AGRN: variants seen among roughly 807,000 people sequenced by gnomAD.
The protein encoded by AGRN is agrin, also known as agrin proteoglycan.
Under a neutral mutation model 211.0 loss-of-function variants are expected in AGRN, and 106 were observed. The ratio of observed to expected loss-of-function variants is 0.50; its 90% CI spans 0.43 to 0.59. The LOEUF (loss-of-function observed/expected upper bound fraction) is 0.59, where lower values mean the gene tolerates loss of function less well. Among genes scored for constraint, AGRN ranks in the 20% least tolerant of loss-of-function variants. The pLI, the probability that AGRN is intolerant of heterozygous loss-of-function variation, is 0.00. For synonymous variants in AGRN, 1,525 were observed against 1,332.5 expected (o/e 1.14, Z -3.15); for missense variants, 3,040 against 2,982.6 (o/e 1.02, Z -0.45).
chr1:1,050,005 C>T lies in AGRN; in HGVS notation c.4847C>T (p.Pro1616Leu), dbSNP rs764238368. 35 of 1,610,420 alleles carry T rather than the reference C, an allele frequency of 2.2e-5. No homozygotes were observed. Among genetic ancestry groups the T allele is most frequent in the Non-Finnish European group, 2.8e-5 (33 of 1,179,276 alleles). ...LPEGGAQCEC[P>L]LGREGTFCQT... ...GAGGGTGGTGCTCAGTGCGAGTGCCCCCTGGGGCGTGAGGGCACCTTCTGC... is the reference window on the plus strand; with the variant it reads ...GAGGGTGGTGCTCAGTGCGAGTGCCTCCTGGGGCGTGAGGGCACCTTCTGC... Residue 1616 changes from proline (P) to leucine (L), a missense_variant, in exon 27 of 36, where the codon CCC becomes CTC. This residue lies in a region of AGRN where 1,537 missense variants were observed against 1,505.0 expected (regional missense o/e 1.02). Transcript: ENST00000379370.
rs1417668906 is a variant in AGRN, at chr1:1,041,624, G to A, written c.1099G>A (p.Asp367Asn). The part of the protein sequence containing the change: ...CGDDGVTYEN[D>N]CVMGRSGAAR... Reference sequence around the variant, plus strand: ...GGACGACGGAGTCACCTACGAAAACGACTGTGTCATGGGCCGATCGGGGGC... The same window carrying A: ...GGACGACGGAGTCACCTACGAAAACAACTGTGTCATGGGCCGATCGGGGGC... Residue 367 changes from aspartate (D) to asparagine (N), a missense_variant, in exon 6 of 36, where the codon GAC becomes AAC. Asp to Asn is a conservative substitution (Grantham distance 23, BLOSUM62 1). Coordinates refer to ENST00000379370, the MANE Select transcript of AGRN (RefSeq NM_198576.4). 6.2e-7 allele frequency: 1 copy of A among 1,611,400 alleles called. No individual in the cohort carries two copies. The highest frequency in any genetic ancestry group is 1.1e-5 in the South Asian group (1 of 90,996).
Position 1,050,604 on chromosome 1 carries a change from G to T in AGRN, c.5141+13G>T. The T allele has an allele frequency of 6.2e-7, 1 of 1,606,934 alleles. No homozygotes were observed. Among genetic ancestry groups the T allele is most frequent in the Non-Finnish European group, 8.5e-7 (1 of 1,176,972 alleles). Reference sequence around the variant, plus strand: ...CAGCGGTCATCAGGTGGGCCGGCAAGGGTGGCTCTGGGAGGCCTGGGGCAC... The same window carrying T: ...CAGCGGTCATCAGGTGGGCCGGCAATGGTGGCTCTGGGAGGCCTGGGGCAC... On this transcript the variant is annotated intron_variant, in intron 29 of 35. Coordinates refer to ENST00000379370, the MANE Select transcript of AGRN (RefSeq NM_198576.4).
intron 2 of AGRN, among the ~76,000 whole-genome samples, chr1:1,028,324 C>CAA (rs1644566082): frequency 2.0e-5 from 2 of 99,528 alleles, no homozygotes; most frequent in African/African-American, 8.5e-5. Context: ...GGAAACGCCC[C>CAA]CCCCCCCCCC....
chr1:1,039,935 C>G (rs1399919540), intron 3 of AGRN, among the ~76,000 whole-genome samples: 2 of 152,130 alleles, frequency 1.3e-5, no homozygotes, highest in Non-Finnish European at 2.9e-5. Flanking sequence ...ATAGTAGAGG[C>G]GGAGGCCAGG....
chr1:1,052,207 G>A lies in AGRN; in HGVS notation c.5651+392G>A, dbSNP rs1009487715. ...AGTCGCCCCTCCCAGGGCACAGGCC[G>A]AGGGTCGCCCCACAGCCAACCCCCA... is the stretch of plus-strand genomic sequence containing the variant. On this transcript the variant is annotated intron_variant, in intron 33 of 35. Coordinates refer to ENST00000379370, the MANE Select transcript of AGRN (RefSeq NM_198576.4). The A allele has an allele frequency of 3.0e-5, 18 of 591,490 alleles. No individual in the cohort carries two copies. In the Admixed American group the frequency reaches 4.1e-4, roughly 14 times the overall value. 36.6% of individuals were successfully genotyped at this position (591,490 alleles called of 1,614,324 possible). A position where few individuals can be genotyped will look rare whatever the true frequency, so the allele number is the denominator to read the frequency against.
chr1:1,050,079 T>C (rs1408685927), intron 27 of AGRN, 42 bp downstream of exon 27: 1 of 1,467,174 alleles, frequency 6.8e-7, no homozygotes, highest in South Asian at 1.2e-5. Flanking sequence ...GGGGGGGGGG[T>C]TGAACGTTTG....
rs745382992 is a variant in AGRN, at chr1:1,045,386, C to T, written c.2399C>T (p.Ser800Phe). ...PSACQCNPHG[S>F]YGGTCDPATG... The stretch of plus-strand genomic sequence containing the variant: ...GCCTGCCAGTGCAACCCCCATGGCT[C>T]TTACGGCGGCACCTGTGACCCAGCC... The change falls in exon 14 of 36, where the codon TCT becomes TTT. Residue 800 changes from serine (S) to phenylalanine (F), a missense_variant. Ser to Phe is a radical substitution (Grantham distance 155). Transcript: ENST00000379370. The T allele has an allele frequency of 6.2e-7, 1 of 1,611,038 alleles. No homozygotes were observed.
At chr1:1,026,046 G>A (rs917431147) in intron 2 of AGRN, among the ~76,000 whole-genome samples, 3 of 152,120 alleles carry the variant, frequency 2.0e-5, no homozygotes, top group Admixed American at 2.0e-4. Flanking sequence ...TAGGGGAATC[G>A]GGTTGGTCAG....
chr1:1,024,723 A>G (rs1199433287), intron 2 of AGRN, among the ~76,000 whole-genome samples: 1 of 151,930 alleles, frequency 6.6e-6, no homozygotes, highest in East Asian at 1.9e-4. Flanking sequence ...GCCCTGCCAG[A>G]TCTTCCTGGC....
intron 35 of AGRN, 37 bp downstream of exon 35, chr1:1,054,588 G>C (rs761279936): frequency 1.0e-5 from 16 of 1,554,944 alleles, no homozygotes; most frequent in African/African-American, 1.4e-5. Flanking sequence ...GGATGCCCAA[G>C]GGTCTCATGA....
chr1:1,047,850 G>C lies in AGRN; in HGVS notation c.3706G>C (p.Gly1236Arg). ...QIQVSRRRSL[G>R]VRRPLQEHVR... Reference sequence around the variant, plus strand: ...CCAGGTGTCCAGGCGCCGGTCCTTGGGGGTGAGGCGGCCGCTGCAGGAGCA... The same window carrying C: ...CCAGGTGTCCAGGCGCCGGTCCTTGCGGGTGAGGCGGCCGCTGCAGGAGCA... Residue 1236 changes from glycine to arginine, a missense_variant, in exon 22 of 36, where the codon GGG becomes CGG. By Grantham distance (125) the Gly-to-Arg change is moderately radical. Around this residue, in one of 3 missense-constraint regions of AGRN, gnomAD observed 1,537 missense variants for 1,505.0 expected, o/e 1.02. Transcript: ENST00000379370. 2 of 1,605,958 alleles carry C rather than the reference G, an allele frequency of 1.2e-6. No individual in the cohort carries two copies. The highest frequency in any genetic ancestry group is 1.7e-6 in the Non-Finnish European group (2 of 1,177,082).
At chr1:1,042,244 C>G in intron 7 of AGRN, 82 bp downstream of exon 7, 1 of 1,457,158 alleles carries the variant, frequency 6.9e-7, no homozygotes, top group East Asian at 2.4e-5. Context: ...CCATCTTCAT[C>G]CATCATGTTC....
Position 1,043,303 on chromosome 1 carries a change from C to A in AGRN, c.1449C>A (p.Asn483Lys). 1 of 1,611,596 alleles carries A rather than the reference C, an allele frequency of 6.2e-7. No homozygotes were observed. Among genetic ancestry groups the A allele is most frequent in the Admixed American group, 1.7e-5 (1 of 59,740 alleles). ...TTGGGGCGACGTGTGCTGTGAAGAA[C>A]GGGCAGGCAGCGTGTGAATGCCTGC... The part of the protein sequence containing the change: ...CAFGATCAVK[N>K]GQAACECLQA... Residue 483 changes from asparagine to lysine, a missense_variant, in exon 8 of 36, where the codon AAC becomes AAA. This residue lies in a region of AGRN where 1,498 missense variants were observed against 1,457.8 expected (regional missense o/e 1.03). Coordinates refer to ENST00000379370, the MANE Select transcript of AGRN (RefSeq NM_198576.4).
chr1:1,034,860 C>A, intron 2 of AGRN: 1 of 397,032 alleles, frequency 2.5e-6, no homozygotes, highest in East Asian at 7.7e-5. Context: ...TGGAGGCCGT[C>A]CTTGGGCTCT....
chr1:1,049,249 T>A lies in AGRN; in HGVS notation c.4312T>A (p.Ser1438Thr). 6.3e-7 allele frequency: 1 copy of A among 1,585,568 alleles called. No individual in the cohort carries two copies. The highest frequency in any genetic ancestry group is 1.3e-5 in the African/African-American group (1 of 74,166). Residue 1438 changes from serine to threonine, a missense_variant, in exon 25 of 36, where the codon TCG becomes ACG. Transcript: ENST00000379370. ...GRVQLRFDTG[S>T]GPAVLTSAVP... The stretch of plus-strand genomic sequence containing the variant: ...TCCTGCCCTCAGGTTTGACACAGGT[T>A]CGGGGCCGGCGGTGCTGACCAGTGC...
intron 2 of AGRN, among the ~76,000 whole-genome samples, chr1:1,024,004 G>A (rs1644465949): frequency 6.6e-6 from 1 of 152,158 alleles, no homozygotes; most frequent in African/African-American, 2.4e-5. Context: ...CCTGGGGTGG[G>A]GCTGGCCAGG....
chr1:1,029,044 C>T (rs1230603795), intron 2 of AGRN, among the ~76,000 whole-genome samples: 5 of 111,634 alleles, frequency 4.5e-5, no homozygotes, highest in Non-Finnish European at 1.0e-4. Flanking sequence ...CCCACACCCA[C>T]GCCACCCTCT....
chr1:1,034,170 C>T (rs1644744084), intron 2 of AGRN: 3 of 985,264 alleles, frequency 3.0e-6, no homozygotes, highest in Admixed American at 1.2e-4. Context: ...CGGCGCCCGG[C>T]CCCCGCGCAC....
rs200841427 is a variant in AGRN at position 1,045,144 on chromosome 1, C to T, written c.2255-17C>T. 797 of 1,610,010 alleles carry T rather than the reference C, an allele frequency of 5.0e-4. No homozygotes were observed. The highest frequency in any genetic ancestry group is 6.4e-4 in the Non-Finnish European group (751 of 1,178,608). On this transcript the variant is annotated splice_polypyrimidine_tract_variant and intron_variant, in intron 12 of 35. Coordinates refer to ENST00000379370, the MANE Select transcript of AGRN (RefSeq NM_198576.4). The stretch of plus-strand genomic sequence containing the variant: ...CCAGCACTGCATGAAATCTGAGTCC[C>T]GTACCCTTTCCTGCAGGCCCCACCT...
Sources: gnomAD v4.1 joint callset for allele counts (sites outside exome capture counted in the v4.1 genomes callset) on GRCh38, gnomAD v4.1.1 for gene constraint, gnomAD v4.1.1 regional missense constraint, MANE v1.5 for transcripts, NCBI Gene and HGNC (gene_info 2026-07-23, HGNC 2026-07-21) for gene names.